Variants in CFAP99 observed in about 807,000 individuals in gnomAD.
CFAP99 encodes cilia and flagella associated protein 99, also known as cilia- and flagella-associated protein 99.
A neutral mutation model predicts 82.7 loss-of-function variants in CFAP99; 84 were observed. The observed-to-expected ratio is 1.02, with a 90% CI of 0.85 to 1.22. The LOEUF is 1.22. CFAP99 is among the 50% of genes most tolerant of loss of function. CFAP99 has a pLI of 0.00. For synonymous variants in CFAP99, 456 were observed against 429.5 expected (o/e 1.06, Z -0.76); for missense variants, 1,059 against 983.5 (o/e 1.08, Z -1.03).
At chr4:2,436,405 A>C (rs1733907510) in intron 2 of CFAP99, among the ~76,000 whole-genome samples, 1 of 152,212 alleles carries the variant, frequency 6.6e-6, no homozygotes, top group South Asian at 2.1e-4. Flanking sequence ...GTACCACTGT[A>C]GCCATTTTTC....
intron 2 of CFAP99, chr4:2,429,309 T>C (rs1733750889): frequency 1.3e-5 from 2 of 151,588 alleles, no homozygotes. Flanking sequence ...ACAAAAAAAA[T>C]GAGTTTGTTA....
rs145357095 is a variant in CFAP99 at position 2,448,020 on chromosome 4, AATGG to A, written c.643-1630_643-1627del. 3.5e-5 allele frequency among the ~76,000 whole-genome samples: 5 copies of A among 141,786 alleles called. No individual in the cohort carries two copies. The highest frequency in any genetic ancestry group is 1.3e-4 in the African/African-American group (5 of 37,080). 93.0% of individuals were successfully genotyped at this position (141,786 alleles called of 152,430 possible). On this transcript the variant is annotated intron_variant, in intron 6 of 14. Coordinates refer to ENST00000635017, the Ensembl canonical transcript of CFAP99. The surrounding 1 kb of genome is among the most constrained non-coding windows in gnomAD (Gnocchi z 5.2). ...AAGTAGATGGATGGATAAGTGGATGAATGGATGGATGGATGGATGGATGATCAGA... is the reference window on the plus strand; with the variant it reads ...AAGTAGATGGATGGATAAGTGGATGAATGGATGGATGGATGGATGATCAGA...
intron 2 of CFAP99, among the ~76,000 whole-genome samples, chr4:2,431,073 T>TA (rs1338020806): frequency 1.1e-4 from 16 of 143,944 alleles, no homozygotes; most frequent in African/African-American, 3.4e-4. Flanking sequence ...TCCTGGCTCT[T>TA]AAAAAAAAAT....
intron 14 of CFAP99, among the ~76,000 whole-genome samples, chr4:2,461,361 G>A (rs570968735): frequency 6.6e-6 from 1 of 152,350 alleles, no homozygotes; most frequent in African/African-American, 2.4e-5. Flanking sequence ...ACTAGGTGTG[G>A]TGGATGGCGG....
At chr4:2,434,659 G>C (rs927831804) in intron 2 of CFAP99, among the ~76,000 whole-genome samples, 1 of 152,212 alleles carries the variant, frequency 6.6e-6, no homozygotes, top group Non-Finnish European at 1.5e-5. Flanking sequence ...GCAGGGGCGA[G>C]CAGAAGGCTC....
chr4:2,438,003 C>G (rs922239783), intron 3 of CFAP99, 67 bp from the exon 4 acceptor site: 17 of 962,000 alleles, frequency 1.8e-5, no homozygotes, highest in African/African-American at 1.7e-5. Flanking sequence ...GCCTTCGGCT[C>G]CGGTCCCGCC....
exon 12 of CFAP99, chr4:2,458,840 C>T (rs1315134341): frequency 6.5e-7 from 1 of 1,535,624 alleles, no homozygotes; most frequent in East Asian, 2.4e-5. Context: ...CCAGACGAAG[C>T]TCGCGAAGGG....
intron 8 of CFAP99, 88 bp downstream of exon 8, chr4:2,450,093 A>T: frequency 7.6e-7 from 1 of 1,310,160 alleles, no homozygotes; most frequent in Non-Finnish European, 1.1e-6. Flanking sequence ...CGCAGTGACC[A>T]CTTATGTAGC....
intron 2 of CFAP99, among the ~76,000 whole-genome samples, chr4:2,432,231 G>A (rs1473193446): frequency 6.6e-6 from 1 of 152,206 alleles, no homozygotes; most frequent in Non-Finnish European, 1.5e-5. Flanking sequence ...GTGAGGAGAG[G>A]AGAAAGGCAA....
intron 6 of CFAP99, 76 bp from the exon 7 acceptor site, chr4:2,449,594 G>C: frequency 7.4e-7 from 1 of 1,343,444 alleles, no homozygotes; most frequent in African/African-American, 1.4e-5. Flanking sequence ...CCACCAAGCT[G>C]TCAGCCCTGG....
At chr4:2,458,827 G>A (rs559873098) in exon 12 of CFAP99, 61 of 1,535,866 alleles carry the variant, frequency 4.0e-5, no homozygotes, top group Middle Eastern at 3.4e-4. Flanking sequence ...ACGCCAAGGC[G>A]GCCCAGACGA....
chr4:2,451,061 C>A (rs770946550), intron 9 of CFAP99, 43 bp downstream of exon 9: 3 of 1,509,866 alleles, frequency 2.0e-6, no homozygotes, highest in Non-Finnish European at 2.7e-6. Context: ...TCCCTGGGCA[C>A]CCACCCCTCC....
chr4:2,456,370 T>C (rs1156917292), intron 11 of CFAP99, among the ~76,000 whole-genome samples: 1 of 140,592 alleles, frequency 7.1e-6, no homozygotes, highest in African/African-American at 2.7e-5. Context: ...GCAATGGGGC[T>C]GGAAAGGATA....
At chr4:2,422,683 G>A (rs770219501) in intron 1 of CFAP99, among the ~76,000 whole-genome samples, 13 of 152,184 alleles carry the variant, frequency 8.5e-5, no homozygotes, top group Non-Finnish European at 1.6e-4. Flanking sequence ...AGGCAGAGCT[G>A]TATCCAGAGC....
rs375831968 is a variant in CFAP99, at chr4:2,457,240, G to C, written c.1162-1483G>C. ...TTACAAGCGTGAGCCGCTGCAGCTG[G>C]CCCTGAGTACATTTTACCAAAGTCT... On this transcript the variant is annotated intron_variant, in intron 11 of 14. Transcript: ENST00000635017. Among the ~76,000 whole-genome samples, 127 of 152,192 alleles carry C rather than the reference G, an allele frequency of 8.3e-4. 1 individual carries two copies. Among genetic ancestry groups the C allele is most frequent in the African/African-American group, 3.0e-3 (124 of 41,580 alleles).
chr4:2,451,367 G>T lies in CFAP99; in HGVS notation c.956+15G>T, dbSNP rs901124322. On this transcript the variant is annotated intron_variant, in intron 10 of 14. Transcript: ENST00000635017. ...GAGCTGCAGAGGTGAAGGGCGGCAG[G>T]CCCCCCCACCTGCCTTCCACGGCAT... 2 of 1,533,654 alleles carry T rather than the reference G, an allele frequency of 1.3e-6. No homozygotes were observed. Among genetic ancestry groups the T allele is most frequent in the African/African-American group, 1.4e-5 (1 of 72,964 alleles).
intron 4 of CFAP99, among the ~76,000 whole-genome samples, chr4:2,439,951 C>A (rs374164969): frequency 1.5e-4 from 23 of 151,512 alleles, no homozygotes; most frequent in African/African-American, 5.3e-4. Context: ...TCAAGTGATT[C>A]TCCTGCCTCA....
intron 13 of CFAP99, 34 bp downstream of exon 13, chr4:2,459,292 A>G: frequency 8.7e-6 from 13 of 1,494,114 alleles, no homozygotes; most frequent in Non-Finnish European, 1.2e-5. Flanking sequence ...CCCATGCCTC[A>G]GGGGCCTCCA....
chr4:2,425,828 T>TGTC (rs1449177845), intron 1 of CFAP99, among the ~76,000 whole-genome samples: 1 of 152,122 alleles, frequency 6.6e-6, no homozygotes, highest in Non-Finnish European at 1.5e-5. Context: ...TGGGCAAGCC[T>TGTC]GTCCCCTGGA....
Sources: gnomAD v4.1 joint callset for allele counts (sites outside exome capture counted in the v4.1 genomes callset) on GRCh38, gnomAD v4.1.1 for gene constraint, Gnocchi (gnomAD v3.1) non-coding constraint, MANE v1.5 for transcripts, NCBI Gene and HGNC (gene_info 2026-07-23, HGNC 2026-07-21) for gene names.